Variants in ERBB4 observed in about 807,000 individuals in gnomAD.
The protein encoded by ERBB4 is erb-b2 receptor tyrosine kinase 4.
Under a neutral mutation model 158.0 loss-of-function variants are expected in ERBB4, and 42 were observed. The ratio of observed to expected loss-of-function variants is 0.27; its 90% CI spans 0.21 to 0.34. ERBB4 has a LOEUF of 0.34. Ranked by LOEUF, ERBB4 falls within the 10% of genes least tolerant of loss-of-function variation. ERBB4 has a pLI of 1.00. For synonymous variants in ERBB4, 583 were observed against 558.7 expected, an observed-to-expected ratio of 1.04 and a Z score of -0.61; for missense variants, 1,333 against 1,624.1, an observed-to-expected ratio of 0.82 and a Z score of 3.08.
intron 12 of ERBB4, among the ~76,000 whole-genome samples, chr2:211,697,000 G>T (rs1476499076): frequency 1.3e-5 from 2 of 152,150 alleles, no homozygotes; most frequent in East Asian, 3.9e-4. Context: ...AGGAATCACG[G>T]TGAAATGAAG....
chr2:211,993,258 A>G (rs1356649786), intron 2 of ERBB4, among the ~76,000 whole-genome samples: 3 of 152,214 alleles, frequency 2.0e-5, no homozygotes, highest in Non-Finnish European at 2.9e-5. Flanking sequence ...TGTCTTTACA[A>G]GAAGAGGAAG....
At chr2:211,913,393 G>T (rs2125060043) in intron 3 of ERBB4, among the ~76,000 whole-genome samples, 1 of 152,172 alleles carries the variant, frequency 6.6e-6, no homozygotes, top group South Asian at 2.1e-4. Flanking sequence ...CTGAGGTCTG[G>T]AGTTCGAGAT....
intron 3 of ERBB4, among the ~76,000 whole-genome samples, chr2:211,807,709 G>A (rs976425342): frequency 6.0e-5 from 9 of 150,950 alleles, no homozygotes; most frequent in African/African-American, 2.2e-4. Flanking sequence ...GATCCTTGAG[G>A]AACAATGGTT....
chr2:212,026,233 A>G (rs1048338583), intron 2 of ERBB4, among the ~76,000 whole-genome samples: 6 of 151,708 alleles, frequency 4.0e-5, no homozygotes, highest in Non-Finnish European at 8.9e-5. Context: ...GAATGAATGA[A>G]TTTTAGTATA....
chr2:211,662,038 C>CAAAAAAAA lies in ERBB4; in HGVS notation c.1871+3277_1871+3284dup, dbSNP rs61318918. Among the ~76,000 whole-genome samples the CAAAAAAAA allele has an allele frequency of 8.6e-4, 34 of 39,704 alleles. 1 individual carries two copies. The highest frequency in any genetic ancestry group is 3.2e-3 in the East Asian group (2 of 628). The allele number at this position is 39,704 out of a possible 152,430, so 26.0% of individuals were successfully genotyped here. A position where few individuals can be genotyped will look rare whatever the true frequency, so the allele number is the denominator to read the frequency against. ...TGGGCGACAGAGCGGGACTCCGTCT[C>CAAAAAAAA]AAAAAAAAAAAAAAAAAAAAAAAAA... is the stretch of plus-strand genomic sequence containing the variant. On this transcript the variant is annotated intron_variant, in intron 15 of 27. Coordinates refer to ENST00000342788, the MANE Select transcript of ERBB4 (RefSeq NM_005235.3).
intron 5 of ERBB4, among the ~76,000 whole-genome samples, chr2:211,748,585 A>G (rs1039492756): frequency 1.5e-4 from 23 of 152,226 alleles, no homozygotes; most frequent in Admixed American, 2.6e-4. Context: ...GAGTCCCTCA[A>G]CAGTACTGGC....
intron 1 of ERBB4, among the ~76,000 whole-genome samples, chr2:212,223,895 T>C (rs951621503): frequency 7.2e-5 from 11 of 151,942 alleles, no homozygotes; most frequent in African/African-American, 2.6e-4. Context: ...CCTGAGGGAA[T>C]AAATACTTCG....
At chr2:211,394,510 A>AACTT (rs1337310922) in intron 25 of ERBB4, among the ~76,000 whole-genome samples, 1 of 152,162 alleles carries the variant, frequency 6.6e-6, no homozygotes, top group Non-Finnish European at 1.5e-5. Context: ...TAAAGAGGAA[A>AACTT]ACTTCTAGGA....
chr2:212,450,875 C>T (rs2092436045), intron 1 of ERBB4, among the ~76,000 whole-genome samples: 1 of 148,332 alleles, frequency 6.7e-6, no homozygotes, highest in Non-Finnish European at 1.5e-5. Context: ...CCCATAATCA[C>T]AGCACTTTGG....
chr2:211,703,146 T>C (rs2073313887), intron 11 of ERBB4, among the ~76,000 whole-genome samples: 1 of 152,132 alleles, frequency 6.6e-6, no homozygotes, highest in Non-Finnish European at 1.5e-5. Flanking sequence ...TGTGTATGTA[T>C]GCTCAATGAT....
intron 15 of ERBB4, 83 bp downstream of exon 15, chr2:211,665,240 T>C (rs2071582628): frequency 6.8e-6 from 9 of 1,324,736 alleles, no homozygotes; most frequent in African/African-American, 1.4e-5. Flanking sequence ...GAGAATGGTA[T>C]ACATTTCAGA....
At chr2:211,837,913 A>T (rs1242689341) in intron 3 of ERBB4, among the ~76,000 whole-genome samples, 1 of 152,050 alleles carries the variant, frequency 6.6e-6, no homozygotes, top group Non-Finnish European at 1.5e-5. Context: ...AGAAACTTCT[A>T]ATCTAGTGGG....
chr2:211,401,750 T>G (rs1471155626), intron 25 of ERBB4, among the ~76,000 whole-genome samples: 1 of 152,070 alleles, frequency 6.6e-6, no homozygotes, highest in South Asian at 2.1e-4. Flanking sequence ...TACAGAAAAG[T>G]GCTTAGATTG....
intron 1 of ERBB4, among the ~76,000 whole-genome samples, chr2:212,415,056 T>A (rs2105886201): frequency 6.6e-6 from 1 of 152,294 alleles, no homozygotes; most frequent in African/African-American, 2.4e-5. Flanking sequence ...AAACTGAAAC[T>A]GATGATGATT....
At chr2:211,621,699 T>A (rs1288423565) in intron 18 of ERBB4, among the ~76,000 whole-genome samples, 1 of 152,206 alleles carries the variant, frequency 6.6e-6, no homozygotes, top group Non-Finnish European at 1.5e-5. Context: ...GTGATTATAC[T>A]CTAGGAACAA....
At chr2:211,947,198 C>G (rs531766353) in intron 3 of ERBB4, among the ~76,000 whole-genome samples, 1 of 152,214 alleles carries the variant, frequency 6.6e-6, no homozygotes, top group Non-Finnish European at 1.5e-5. Flanking sequence ...CCAGAGTTTA[C>G]TCCTGTTCAG....
chr2:211,633,043 G>A lies in ERBB4; in HGVS notation c.1947-2449C>T, dbSNP rs1006064335. 1.7e-4 allele frequency among the ~76,000 whole-genome samples: 26 copies of A among 152,004 alleles called. 1 individual carries two copies. Among genetic ancestry groups the A allele is most frequent in the Admixed American group, 1.6e-3 (25 of 15,254 alleles). ...ATCATTAACCACAAACAAGCAACCA[G>A]TAAAATCAAGAGGAGGGAATATTCC... On this transcript the variant is annotated intron_variant, in intron 16 of 27. Coordinates refer to ENST00000342788, the MANE Select transcript of ERBB4 (RefSeq NM_005235.3).
chr2:212,289,721 CA>C (rs1261014692), intron 1 of ERBB4, among the ~76,000 whole-genome samples: 1 of 152,110 alleles, frequency 6.6e-6, no homozygotes, highest in African/African-American at 2.4e-5. Context: ...ACCACTACAA[CA>C]AAGTTTTAAG....
intron 4 of ERBB4, among the ~76,000 whole-genome samples, chr2:211,782,948 A>G (rs1245008843): frequency 6.6e-6 from 1 of 152,166 alleles, no homozygotes; most frequent in Non-Finnish European, 1.5e-5. Context: ...CACTGAATCT[A>G]TAAATTACCT....
Sources: gnomAD v4.1 joint callset for allele counts (sites outside exome capture counted in the v4.1 genomes callset) on GRCh38, gnomAD v4.1.1 for gene constraint, MANE v1.5 for transcripts, NCBI Gene and HGNC (gene_info 2026-07-23, HGNC 2026-07-21) for gene names.